IQCM: variants seen among roughly 807,000 people sequenced by gnomAD.
IQCM encodes IQ motif containing M.
A neutral mutation model predicts 57.6 loss-of-function variants in IQCM; 45 were observed. That is an observed-to-expected ratio of 0.78 (90% CI 0.62 to 1.00). The LOEUF (loss-of-function observed/expected upper bound fraction) is 1.00, where lower values mean the gene tolerates loss of function less well. Ranked by LOEUF, IQCM falls within the 50% of genes least tolerant of loss-of-function variation. The pLI is 0.00. For synonymous variants in IQCM, 148 were observed against 158.9 expected (o/e 0.93, Z 0.51); for missense variants, 468 against 511.6 (o/e 0.91, Z 0.82).
intron 12 of IQCM, among the ~76,000 whole-genome samples, chr4:149,436,119 C>G (rs1169421547): frequency 6.6e-6 from 1 of 152,092 alleles, no homozygotes; most frequent in African/African-American, 2.4e-5. Flanking sequence ...AATTTCAGTC[C>G]TACAAGCTCC....
intron 7 of IQCM, among the ~76,000 whole-genome samples, chr4:149,627,978 G>T (rs1756956077): frequency 6.6e-6 from 1 of 152,168 alleles, no homozygotes; most frequent in African/African-American, 2.4e-5. Context: ...GCTGGAAAAG[G>T]CAATGGAAAC....
At chr4:149,466,457 CT>C (rs2149718755) in intron 12 of IQCM, among the ~76,000 whole-genome samples, 1 of 152,280 alleles carries the variant, frequency 6.6e-6, no homozygotes, top group Admixed American at 6.5e-5. Flanking sequence ...GTGCATTACA[CT>C]TTTTGTGGAA....
At chr4:149,494,521 C>T (rs17586173) in intron 12 of IQCM, among the ~76,000 whole-genome samples, 3,032 of 152,132 alleles carry the variant, frequency 0.02, 50 homozygotes, top group Middle Eastern at 0.044. Context: ...TGTTTGTGCC[C>T]AAGAAACCAG....
intron 3 of IQCM, among the ~76,000 whole-genome samples, chr4:149,740,182 A>G (rs1309982775): frequency 6.6e-6 from 1 of 152,222 alleles, no homozygotes; most frequent in Non-Finnish European, 1.5e-5. Context: ...TAGTTAAAAG[A>G]TAATCTTAAG....
chr4:149,791,471 A>G (rs1772605754), intron 2 of IQCM, among the ~76,000 whole-genome samples: 1 of 152,122 alleles, frequency 6.6e-6, no homozygotes, highest in African/African-American at 2.4e-5. Flanking sequence ...AATATGCAAA[A>G]AAATGGTTAA....
intron 8 of IQCM, among the ~76,000 whole-genome samples, chr4:149,589,960 G>A (rs937118180): frequency 1.3e-5 from 2 of 151,928 alleles, no homozygotes; most frequent in Middle Eastern, 3.2e-3. Context: ...CTTGGATTGG[G>A]ACACACTGTC....
At chr4:149,539,690 G>A (rs138716125) in intron 12 of IQCM, among the ~76,000 whole-genome samples, 21 of 151,954 alleles carry the variant, frequency 1.4e-4, no homozygotes, top group Middle Eastern at 3.4e-3. Context: ...GTGAAACCCC[G>A]TCTCTACTAA....
At chr4:149,719,344 T>TAA (rs763244074) in intron 5 of IQCM, among the ~76,000 whole-genome samples, 2 of 124,384 alleles carry the variant, frequency 1.6e-5, no homozygotes, top group Non-Finnish European at 1.7e-5. Flanking sequence ...AAGTCAGTCT[T>TAA]AAAAAAAAAA....
intron 5 of IQCM, among the ~76,000 whole-genome samples, chr4:149,717,296 A>G (rs542524520): frequency 6.6e-6 from 1 of 152,136 alleles, no homozygotes; most frequent in African/African-American, 2.4e-5. Flanking sequence ...CTCCAGGTAC[A>G]TAGTGTCAGA....
At chr4:149,535,449 G>A (rs1412953562) in intron 12 of IQCM, among the ~76,000 whole-genome samples, 1 of 151,886 alleles carries the variant, frequency 6.6e-6, no homozygotes, top group Non-Finnish European at 1.5e-5. Context: ...CTTGCTAGTG[G>A]CTCTCCGCAT....
intron 9 of IQCM, among the ~76,000 whole-genome samples, chr4:149,578,499 T>C (rs2149978660): frequency 6.6e-6 from 1 of 151,882 alleles, no homozygotes; most frequent in East Asian, 2.0e-4. Context: ...CAGTAAATTG[T>C]TCTGCTCTTC....
intron 5 of IQCM, among the ~76,000 whole-genome samples, chr4:149,691,263 T>C (rs960626477): frequency 1.3e-5 from 2 of 152,084 alleles, no homozygotes; most frequent in African/African-American, 4.8e-5. Context: ...ATTAGACCAT[T>C]AGCAATAGGT....
At chr4:149,713,388 G>C (rs1764724948) in intron 5 of IQCM, among the ~76,000 whole-genome samples, 1 of 152,090 alleles carries the variant, frequency 6.6e-6, no homozygotes, top group African/African-American at 2.4e-5. Context: ...CAAAGCCCTA[G>C]TTAAATGTCT....
intron 12 of IQCM, among the ~76,000 whole-genome samples, chr4:149,522,727 A>T (rs921754941): frequency 2.0e-5 from 3 of 152,162 alleles, no homozygotes; most frequent in African/African-American, 7.2e-5. Flanking sequence ...GAAAAAAGTA[A>T]CTACAGAAGG....
At chr4:149,426,782 C>G (rs576304327) in intron 13 of IQCM, among the ~76,000 whole-genome samples, 11 of 152,024 alleles carry the variant, frequency 7.2e-5, no homozygotes, top group Non-Finnish European at 1.5e-4. Context: ...AGGAAGAAGC[C>G]AGACTCTCTT....
chr4:149,649,657 A>C (rs900097066), intron 7 of IQCM, among the ~76,000 whole-genome samples: 7 of 152,228 alleles, frequency 4.6e-5, no homozygotes, highest in African/African-American at 1.7e-4. Flanking sequence ...CCAGAGCTTA[A>C]TAGGTTTCAT....
intron 7 of IQCM, among the ~76,000 whole-genome samples, chr4:149,631,921 T>C (rs1757299600): frequency 2.0e-5 from 3 of 152,240 alleles, no homozygotes; most frequent in Admixed American, 2.0e-4. Flanking sequence ...ACGAGTTGGA[T>C]ATAAGTGATT....
At chr4:149,630,957 T>C (rs993054317) in intron 7 of IQCM, among the ~76,000 whole-genome samples, 1 of 152,138 alleles carries the variant, frequency 6.6e-6, no homozygotes, top group Admixed American at 6.5e-5. Context: ...CAATTCCTGA[T>C]ATAAAACTTT....
At chr4:149,590,454 C>CT (rs1446818340) in intron 8 of IQCM, among the ~76,000 whole-genome samples, 2 of 151,586 alleles carry the variant, frequency 1.3e-5, no homozygotes, top group African/African-American at 4.8e-5. Flanking sequence ...CTTTCAACTT[C>CT]TTTTTTTATT....
Sources: allele counts gnomAD v4.1 joint callset (sites outside exome capture counted in the v4.1 genomes callset), GRCh38; gene constraint gnomAD v4.1.1; transcripts MANE v1.5; gene names NCBI Gene and HGNC (gene_info 2026-07-23, HGNC 2026-07-21).